Variants in PLCH2 observed in about 807,000 individuals in gnomAD.
PLCH2 encodes the protein 1-phosphatidylinositol 4,5-bisphosphate phosphodiesterase eta-2.
Under a neutral mutation model 134.7 loss-of-function variants are expected in PLCH2, and 98 were observed. The ratio of observed to expected loss-of-function variants is 0.73; its 90% CI spans 0.62 to 0.86. PLCH2 has a LOEUF of 0.86. Ranked by LOEUF, PLCH2 falls within the 40% of genes least tolerant of loss-of-function variation. The pLI is 0.00. For missense variants in PLCH2, 1,994 were observed against 1,986.6 expected, an observed-to-expected ratio of 1.00 and a Z score of -0.07; for synonymous variants, 974 against 827.5, an observed-to-expected ratio of 1.18 and a Z score of -3.04.
Position 2,496,625 on chromosome 1 carries a change from G to A in PLCH2, c.1854G>A (p.Lys618=), listed in dbSNP as rs1259957273. 1 of 1,611,830 alleles carries A rather than the reference G, an allele frequency of 6.2e-7. No homozygotes were observed. ...GCCACAGGGCGACCCGGCAGAAGAA[G>A]ACCATGAAGCTGTCCCGGGCCCTCT... The part of the protein sequence containing the change: ...GQSRGATRQK[K]TMKLSRALSD... The change falls in exon 14 of 22, where the codon AAG becomes AAA. Residue 618 remains lysine (K), a synonymous_variant. Transcript: ENST00000378486.
chr1:2,487,980 T>C (rs1642374520), intron 8 of PLCH2, among the ~76,000 whole-genome samples: 1 of 152,216 alleles, frequency 6.6e-6, no homozygotes, highest in Non-Finnish European at 1.5e-5. Flanking sequence ...CCACAGCAGC[T>C]GTGGCTCCCA....
At chr1:2,443,131 G>A (rs1461622714) in intron 2 of PLCH2, among the ~76,000 whole-genome samples, 3 of 152,192 alleles carry the variant, frequency 2.0e-5, no homozygotes, top group African/African-American at 7.2e-5. Context: ...GCAGCACCAA[G>A]CTCCCTCCCC....
chr1:2,458,242 C>T lies in PLCH2; in HGVS notation c.116-20234C>T, dbSNP rs147921912. 6.1e-3 allele frequency among the ~76,000 whole-genome samples: 924 copies of T among 152,312 alleles called. 9 individuals are homozygous for T. The highest frequency in any genetic ancestry group is 0.021 in the African/African-American group (876 of 41,562). On this transcript the variant is annotated intron_variant, in intron 2 of 3. Transcript: ENST00000609981. ...TCCCCGTAAGGCCCTGCTCAGTGCC[C>T]GGCCCCTGTGAGGCTGAGGATGGGA...
At chr1:2,452,941 G>A (rs971926203) in intron 2 of PLCH2, among the ~76,000 whole-genome samples, 5 of 152,340 alleles carry the variant, frequency 3.3e-5, no homozygotes, top group African/African-American at 1.2e-4. Flanking sequence ...CTTCTCAGGC[G>A]GGAAGTCCCG....
Position 2,503,960 on chromosome 1 carries a change from C to G in PLCH2, c.2998C>G (p.Leu1000Val). The G allele has an allele frequency of 1.0e-5, 15 of 1,477,548 alleles. No individual in the cohort carries two copies. The highest frequency in any genetic ancestry group is 1.4e-5 in the Non-Finnish European group (15 of 1,081,950). The allele number at this position is 1,477,548 out of a possible 1,614,324, so 91.5% of individuals were successfully genotyped here. Residue 1000 changes from leucine (L) to valine (V), a missense_variant, in exon 22 of 22, where the codon CTG becomes GTG. Coordinates refer to ENST00000378486, the MANE Select transcript of PLCH2 (RefSeq NM_014638.4). ...PLSTQRPLPPLCSLETIAEEP... is the reference protein window; with the variant it reads ...PLSTQRPLPPVCSLETIAEEP... ...CTCCACGCAGCGGCCACTCCCCCCACTGTGCAGCCTGGAAACCATCGCTGA... is the reference window on the plus strand; with the variant it reads ...CTCCACGCAGCGGCCACTCCCCCCAGTGTGCAGCCTGGAAACCATCGCTGA...
intron 2 of PLCH2, among the ~76,000 whole-genome samples, chr1:2,459,642 TTCCTTTCCGGTGGTCC>T (rs1373112136): frequency 4.0e-4 from 4 of 9,928 alleles, no homozygotes; most frequent in Admixed American, 3.4e-3. Context: ...GCCTGTGGTC[TTCCTTTCCGGTGGTCC>T]TCCTTGCCTG....
chr1:2,503,949 C>T lies in PLCH2; in HGVS notation c.2987C>T (p.Pro996Leu), dbSNP rs1643384042. The T allele has an allele frequency of 2.2e-6, 3 of 1,392,870 alleles. No individual in the cohort carries two copies. Among genetic ancestry groups the T allele is most frequent in the African/African-American group, 2.9e-5 (2 of 69,362 alleles). 86.3% of individuals were successfully genotyped at this position (1,392,870 alleles called of 1,614,324 possible). ...RDTRPLSTQRPLPPLCSLETI... is the reference protein window; with the variant it reads ...RDTRPLSTQRLLPPLCSLETI... ...ACCCGCCCCCTCTCCACGCAGCGGC[C>T]ACTCCCCCCACTGTGCAGCCTGGAA... Residue 996 changes from proline (P) to leucine (L), a missense_variant, in exon 22 of 22, where the codon CCA becomes CTA. Coordinates refer to ENST00000378486, the MANE Select transcript of PLCH2 (RefSeq NM_014638.4).
At chr1:2,501,285 ATGTGAGGGCCCCTCTGGCCTCTGCG>A (rs1643212418) in intron 20 of PLCH2, 1 of 152,124 alleles carries the variant, frequency 6.6e-6, no homozygotes, top group African/African-American at 2.4e-5. Flanking sequence ...GGCATCTGGC[ATGTGAGGGCCCCTCTGGCCTCTGCG>A]CCCTGGAGAT....
At chr1:2,488,269 C>T (rs996955716) in intron 8 of PLCH2, among the ~76,000 whole-genome samples, 5 of 152,244 alleles carry the variant, frequency 3.3e-5, no homozygotes, top group East Asian at 1.9e-4. Flanking sequence ...GTCACAGTCT[C>T]GAGCTGGCCC....
In PLCH2 at chr1:2,489,354, G is replaced by C. The variant is rs1345899589; in HGVS notation, c.1383G>C (p.Met461Ile). ...CCACCACACTCCCCTCTCCACAGAT[G>C]CTCAAGGGCAAGATCCTCGTGAAGG... ...EDATTLPSPQ[M>I]LKGKILVKGK... is the part of the protein sequence containing the mutation. The change falls in exon 9 of 22, where the codon ATG becomes ATC. Residue 461 changes from methionine (M) to isoleucine (I), a missense_variant. Met to Ile is a conservative substitution (Grantham distance 10). This residue lies in a region of PLCH2 where 1,094 missense variants were observed against 1,234.3 expected (regional missense o/e 0.89). Coordinates refer to ENST00000378486, the MANE Select transcript of PLCH2 (RefSeq NM_014638.4). 2 of 1,613,640 alleles carry C rather than the reference G, an allele frequency of 1.2e-6. No homozygotes were observed. The highest frequency in any genetic ancestry group is 1.7e-6 in the Non-Finnish European group (2 of 1,179,886).
rs983114686 is a variant in PLCH2 at position 2,439,859 on chromosome 1, C to T, written c.115+9230C>T. ...CTGGAGTGTTCGAGGGCAGCGGGCACGCGGCTCCCTGCCTGCAGGGACCTC... is the reference window on the plus strand; with the variant it reads ...CTGGAGTGTTCGAGGGCAGCGGGCATGCGGCTCCCTGCCTGCAGGGACCTC... On this transcript the variant is annotated intron_variant, in intron 2 of 3. Transcript: ENST00000609981. The surrounding 1 kb of genome is among the most constrained non-coding windows in gnomAD (Gnocchi z 4.7). 2.6e-5 allele frequency among the ~76,000 whole-genome samples: 4 copies of T among 152,084 alleles called. No homozygotes were observed. The highest frequency in any genetic ancestry group is 4.1e-4 in the South Asian group (2 of 4,828).
intron 4 of PLCH2, among the ~76,000 whole-genome samples, chr1:2,482,738 ACC>A (rs1642042031): frequency 6.6e-6 from 1 of 152,046 alleles, no homozygotes; most frequent in African/African-American, 2.4e-5. Context: ...ACCCCTGGCC[ACC>A]CCAGATCGTG....
At chr1:2,446,938 C>T (rs185843511) in intron 2 of PLCH2, among the ~76,000 whole-genome samples, 77 of 152,338 alleles carry the variant, frequency 5.1e-4, no homozygotes, top group African/African-American at 1.7e-3. Context: ...AGCACCTTTC[C>T]GGGGCCAGCT....
intron 2 of PLCH2, among the ~76,000 whole-genome samples, chr1:2,452,311 C>T (rs897476323): frequency 2.0e-5 from 3 of 152,184 alleles, no homozygotes; most frequent in Admixed American, 6.5e-5. Context: ...CCCGGCCCTG[C>T]CTGGCAGGTA....
intron 2 of PLCH2, among the ~76,000 whole-genome samples, chr1:2,447,397 G>A (rs917956642): frequency 3.3e-5 from 5 of 152,144 alleles, no homozygotes; most frequent in African/African-American, 1.2e-4. Context: ...AGACGGCTAA[G>A]CCAGCCTTCT....
rs1570290435 is a variant in PLCH2, at chr1:2,448,819, G to A, written c.115+18190G>A. Among the ~76,000 whole-genome samples, 1 of 152,172 alleles carries A rather than the reference G, an allele frequency of 6.6e-6. No individual in the cohort carries two copies. ...ACAGGTGACCAAGAGGGGTACTGGA[G>A]GCCTGGACGGGCCTCACTCCATTCT... On this transcript the variant is annotated intron_variant, in intron 2 of 3. Coordinates refer to the PLCH2 transcript ENST00000609981. This position sits in a 1 kb window ranked among gnomAD's most constrained non-coding sequence, Gnocchi z 4.0.
upstream of PLCH2, among the ~76,000 whole-genome samples, chr1:2,465,162 C>G (rs1168384230): frequency 6.6e-6 from 1 of 152,224 alleles, no homozygotes; most frequent in African/African-American, 2.4e-5. Flanking sequence ...TAGGCTCGCC[C>G]TGTCTCAGGG....
chr1:2,496,607 G>C lies in PLCH2; in HGVS notation c.1836G>C (p.Gly612=), dbSNP rs1291121226. ...GQDSPGGQSR[G]ATRQKKTMKL... The stretch of plus-strand genomic sequence containing the variant: ...TTCTGACCCCCTGCACCTGCCACAG[G>C]GCGACCCGGCAGAAGAAGACCATGA... The change falls in exon 14 of 22, where the codon GGG becomes GGC. Residue 612 remains glycine (G), a splice_region_variant and synonymous_variant. Transcript: ENST00000378486. 6.2e-7 allele frequency: 1 copy of C among 1,609,556 alleles called. No homozygotes were observed. Among genetic ancestry groups the C allele is most frequent in the South Asian group, 1.1e-5 (1 of 90,410 alleles).
Position 2,476,580 on chromosome 1 carries a change from C to A in PLCH2, c.-9C>A. The A allele has an allele frequency of 6.6e-7, 1 of 1,518,136 alleles. No homozygotes were observed. The highest frequency in any genetic ancestry group is 8.8e-7 in the Non-Finnish European group (1 of 1,140,720). 94.0% of individuals were successfully genotyped at this position (1,518,136 alleles called of 1,614,324 possible). A position where few individuals can be genotyped will look rare whatever the true frequency, so the allele number is the denominator to read the frequency against. ...GCCTCCGTGAAGCAGGCCCGGCTGT[C>A]GTCAGGCCATGTCTGGTCCATGGCC... On this transcript the variant is annotated 5_prime_UTR_variant, in exon 1 of 22. Transcript: ENST00000378486.
Sources: allele counts gnomAD v4.1 joint callset (sites outside exome capture counted in the v4.1 genomes callset), GRCh38; gene constraint gnomAD v4.1.1; regional missense constraint gnomAD v4.1.1; non-coding constraint Gnocchi (gnomAD v3.1); transcripts MANE v1.5; gene names NCBI Gene and HGNC (gene_info 2026-07-23, HGNC 2026-07-21).